The following CNTN2 variants were observed in gnomAD, a reference collection of about 807,000 sequenced individuals.
The protein encoded by CNTN2 is contactin 2, also known as contactin-2.
CNTN2 carries 53 observed loss-of-function variants against 117.5 expected under a neutral mutation model. The ratio of observed to expected loss-of-function variants is 0.45; its 90% confidence interval spans 0.36 to 0.57. The LOEUF is 0.57. CNTN2 is among the 20% of genes least tolerant of loss of function. The pLI is 0.00. For missense variants in CNTN2, 1,106 were observed against 1,404.3 expected (o/e 0.79, Z 3.39); for synonymous variants, 530 against 561.7 (o/e 0.94, Z 0.80).
At chr1:205,072,789 AT>A in intron 21 of CNTN2, 194 bp downstream of exon 21, 1 of 659,472 alleles carries the variant, frequency 1.5e-6, no homozygotes, top group Non-Finnish European at 2.7e-6. Flanking sequence ...AAACGGGCAG[AT>A]GGTATCACTG....
At chr1:205,050,016 A>G (rs2096449616) in intron 1 of CNTN2, among the ~76,000 whole-genome samples, 1 of 141,680 alleles carries the variant, frequency 7.1e-6, no homozygotes, top group African/African-American at 2.6e-5. Context: ...GGAACCCTCC[A>G]AAGAACTCTG....
chr1:205,073,365 C>A lies in CNTN2; in HGVS notation c.3013+129C>A. 1 of 1,183,202 alleles carries A rather than the reference C, an allele frequency of 8.5e-7. No homozygotes were observed. Among genetic ancestry groups the A allele is most frequent in the Non-Finnish European group, 1.2e-6 (1 of 842,016 alleles). The allele number at this position is 1,183,202 out of a possible 1,614,324, so 73.3% of individuals were successfully genotyped here. ...AGGAAAGTGGAAGGCAGGCAGGAAC[C>A]AAGTGCAAAGTAGTCTTAGAACTGC... is the stretch of plus-strand genomic sequence containing the variant. On this transcript the variant is annotated intron_variant, in intron 22 of 22. Coordinates refer to ENST00000331830, the MANE Select transcript of CNTN2 (RefSeq NM_005076.5). The surrounding 1 kb of genome is among the most constrained non-coding windows in gnomAD (Gnocchi z 6.3).
intron 1 of CNTN2, among the ~76,000 whole-genome samples, chr1:205,052,793 G>T (rs2096455109): frequency 6.6e-6 from 1 of 152,214 alleles, no homozygotes; most frequent in South Asian, 2.1e-4. Flanking sequence ...GAGACGGCAG[G>T]TGGGTTCTTA....
At chr1:205,053,653 T>C (rs1242461115) in intron 2 of CNTN2, among the ~76,000 whole-genome samples, 2 of 152,198 alleles carry the variant, frequency 1.3e-5, no homozygotes, top group East Asian at 1.9e-4. Flanking sequence ...TTAAAAATAA[T>C]TTCCTCAGGT....
chr1:205,047,097 G>C (rs2096442863), intron 1 of CNTN2, among the ~76,000 whole-genome samples: 2 of 152,228 alleles, frequency 1.3e-5, no homozygotes, highest in Non-Finnish European at 2.9e-5. Context: ...CGGGGAAGCA[G>C]CTGCAATCAC....
chr1:205,073,900 C>A lies in CNTN2; in HGVS notation c.*135C>A, dbSNP rs144516362. On this transcript the variant is annotated 3_prime_UTR_variant, in exon 23 of 23. Coordinates refer to ENST00000331830, the MANE Select transcript of CNTN2 (RefSeq NM_005076.5). This position sits in a 1 kb window ranked among gnomAD's most constrained non-coding sequence, Gnocchi z 6.3. ...TTAAATACCTACTTTAAACAGTGCC[C>A]TTTTTGTAGGAGGTAGGATATTTTA... The A allele has an allele frequency of 3.3e-4, 224 of 670,376 alleles. 1 individual carries two copies. The African/African-American group carries it at 3.5e-3, about 11-fold the overall frequency. 41.5% of individuals were successfully genotyped at this position (670,376 alleles called of 1,614,324 possible).
chr1:205,067,615 G>A (rs191866871), intron 16 of CNTN2: 2 of 182,276 alleles, frequency 1.1e-5, no homozygotes, highest in African/African-American at 4.7e-5. Context: ...CTTCCTGGAA[G>A]AGTATGCACT....
intron 10 of CNTN2, among the ~76,000 whole-genome samples, chr1:205,063,878 G>A (rs192781343): frequency 2.3e-3 from 345 of 151,438 alleles, no homozygotes; most frequent in African/African-American, 7.6e-3. Context: ...GGCAGGAAAA[G>A]ACTTCACAAC....
intron 1 of CNTN2, among the ~76,000 whole-genome samples, chr1:205,047,529 G>A (rs893726273): frequency 1.9e-4 from 29 of 152,140 alleles, no homozygotes; most frequent in African/African-American, 3.4e-4. Context: ...TGTCCTGGCC[G>A]CGTGACCCCC....
chr1:205,050,810 G>T (rs1355786517), intron 1 of CNTN2, among the ~76,000 whole-genome samples: 1 of 152,122 alleles, frequency 6.6e-6, no homozygotes, highest in Non-Finnish European at 1.5e-5. Flanking sequence ...GTAGAGATGG[G>T]GTTTCACCAT....
intron 2 of CNTN2, among the ~76,000 whole-genome samples, chr1:205,056,046 G>A (rs1296236350): frequency 6.6e-6 from 1 of 152,172 alleles, no homozygotes; most frequent in Non-Finnish European, 1.5e-5. Context: ...ATGTGTGTAT[G>A]ACATGAGCGT....
In CNTN2 at chr1:205,059,265, G is replaced by C. The variant is rs549298351; in HGVS notation, c.669G>C (p.Lys223Asn). The change falls in exon 6 of 23, where the codon AAG (lysine) becomes AAC (asparagine). Residue 223 changes from lysine to asparagine, a missense_variant. Physicochemically the swap from Lys to Asn is moderately conservative, Grantham distance 94. Coordinates refer to ENST00000331830, the MANE Select transcript of CNTN2 (RefSeq NM_005076.5). This position sits in a 1 kb window ranked among gnomAD's most constrained non-coding sequence, Gnocchi z 5.6. The stretch of plus-strand genomic sequence containing the variant: ...TCTCCACCAAGAGCGTCTTCAGCAA[G>C]TTTGCTCAGCTCAACCTGGCTGCTG... ...MDFSTKSVFS[K>N]FAQLNLAAED... 3 of 1,614,064 alleles carry C rather than the reference G, an allele frequency of 1.9e-6. No individual in the cohort carries two copies. Among genetic ancestry groups the C allele is most frequent in the Admixed American group, 3.3e-5 (2 of 60,004 alleles).
chr1:205,065,889 A>G lies in CNTN2; in HGVS notation c.1796A>G (p.Glu599Gly). The change falls in exon 14 of 23, where the codon GAG becomes GGG. Residue 599 changes from glutamate (E) to glycine (G), a missense_variant. Transcript: ENST00000331830. This position sits in a 1 kb window ranked among gnomAD's most constrained non-coding sequence, Gnocchi z 4.1. ...AQTVVDSASK[E>G]ATVLVRGPPG... is the part of the protein sequence containing the mutation. ...ACGGTGGTGGACAGCGCGTCCAAGG[A>G]GGCCACAGTCCTGGTCCGAGGTGAG... 1.2e-6 allele frequency: 2 copies of G among 1,613,574 alleles called. No homozygotes were observed. Among genetic ancestry groups the G allele is most frequent in the Non-Finnish European group, 1.7e-6 (2 of 1,179,754 alleles).
intron 1 of CNTN2, among the ~76,000 whole-genome samples, chr1:205,047,750 G>C (rs144868850): frequency 9.0e-4 from 137 of 152,288 alleles, no homozygotes; most frequent in East Asian, 7.9e-3. Flanking sequence ...AAGCCAGACA[G>C]GCACAGTGGC....
intron 17 of CNTN2, 107 bp from the exon 18 acceptor site, chr1:205,069,720 G>T: frequency 3.5e-6 from 5 of 1,434,210 alleles, no homozygotes; most frequent in Non-Finnish European, 2.9e-6. Flanking sequence ...CACGCTGCAG[G>T]CGTAGGCGTC....
chr1:205,061,289 C>T lies in CNTN2; in HGVS notation c.842C>T (p.Ser281Phe). ...IKWRKVDGSL[S>F]PQWTTAEPTL... ...TGGCGCAAAGTGGACGGCTCCCTGT[C>T]CCCGCAGTGGACCACAGCTGAGCCC... is the stretch of plus-strand genomic sequence containing the variant. Residue 281 changes from serine to phenylalanine, a missense_variant, in exon 8 of 23, where the codon TCC becomes TTC. Ser to Phe is a radical substitution (Grantham distance 155). Transcript: ENST00000331830. This position sits in a 1 kb window ranked among gnomAD's most constrained non-coding sequence, Gnocchi z 4.8. 1.2e-6 allele frequency: 2 copies of T among 1,613,968 alleles called. No homozygotes were observed. The highest frequency in any genetic ancestry group is 1.7e-6 in the Non-Finnish European group (2 of 1,179,900).
At position 205,062,367 on chromosome 1, in the gene CNTN2, C is replaced by G. The variant is rs962876679; in HGVS notation, c.1111-73C>G. ...ATCAGCCTAGAGTCTCCACTGCTCC[C>G]ACCCCTGCCAACCCCTCCTCCCTGT... On this transcript the variant is annotated intron_variant, in intron 9 of 22. Transcript: ENST00000331830. 7 of 1,540,966 alleles carry G rather than the reference C, an allele frequency of 4.5e-6. No individual in the cohort carries two copies. The Admixed American group carries it at 1.4e-4, about 30-fold the overall frequency.
chr1:205,053,158 G>T lies in CNTN2; in HGVS notation c.-28G>T. 3 of 1,598,938 alleles carry T rather than the reference G, an allele frequency of 1.9e-6. No homozygotes were observed. Among genetic ancestry groups the T allele is most frequent in the Non-Finnish European group, 1.7e-6 (2 of 1,170,724 alleles). Reference sequence around the variant, plus strand: ...AGCTGAGCTGAGGCTCTTCTCCTCCGATCCCCACCTCTGCCCGGACATCCA... The same window carrying T: ...AGCTGAGCTGAGGCTCTTCTCCTCCTATCCCCACCTCTGCCCGGACATCCA... On this transcript the variant is annotated 5_prime_UTR_variant, in exon 2 of 23. Coordinates refer to ENST00000331830, the MANE Select transcript of CNTN2 (RefSeq NM_005076.5).
chr1:205,058,392 G>C lies in CNTN2; in HGVS notation c.391+36G>C. The C allele has an allele frequency of 3.3e-6, 5 of 1,532,786 alleles. No individual in the cohort carries two copies. Among genetic ancestry groups the C allele is most frequent in the Middle Eastern group, 1.9e-4 (1 of 5,226 alleles). The allele number at this position is 1,532,786 out of a possible 1,614,324, so 94.9% of individuals were successfully genotyped here. A position where few individuals can be genotyped will look rare whatever the true frequency, so the allele number is the denominator to read the frequency against. Reference sequence around the variant, plus strand: ...CGGGGGACCAAGACACTTTGGGGGAGGGGGAGAGGGGGCTAGGAGAAATTA... The same window carrying C: ...CGGGGGACCAAGACACTTTGGGGGACGGGGAGAGGGGGCTAGGAGAAATTA... On this transcript the variant is annotated intron_variant, in intron 4 of 22. Transcript: ENST00000331830. The surrounding 1 kb of genome is among the most constrained non-coding windows in gnomAD (Gnocchi z 4.3).
Sources: allele counts gnomAD v4.1 joint callset (sites outside exome capture counted in the v4.1 genomes callset), GRCh38; gene constraint gnomAD v4.1.1; non-coding constraint Gnocchi (gnomAD v3.1); transcripts MANE v1.5; gene names NCBI Gene and HGNC (gene_info 2026-07-23, HGNC 2026-07-21).